CELF2: variants seen among roughly 807,000 people sequenced by gnomAD.
CELF2 encodes the protein CUG triplet repeat RNA-binding protein 2.
In CELF2, 8 loss-of-function variants were observed where a neutral mutation model predicts 62.6. The observed-to-expected ratio is 0.13, with a 90% CI of 0.07 to 0.23. CELF2 has a LOEUF of 0.23. CELF2 is among the 10% of genes least tolerant of loss of function. The pLI is 1.00. For synonymous variants in CELF2, 258 were observed against 250.0 expected, an observed-to-expected ratio of 1.03 and a Z score of -0.30; for missense variants, 333 against 671.0, an observed-to-expected ratio of 0.50 and a Z score of 5.56.
chr10:10,846,203 T>C, intron 1 of CELF2: 1 of 698,396 alleles, frequency 1.4e-6, no homozygotes, highest in Non-Finnish European at 1.8e-6. Flanking sequence ...CTTGGCATTT[T>C]TGTGATTAAT....
intron 2 of CELF2, among the ~76,000 whole-genome samples, chr10:10,985,841 C>T (rs1411471463): frequency 6.6e-6 from 1 of 152,202 alleles, no homozygotes; most frequent in African/African-American, 2.4e-5. Context: ...GACAGCCACA[C>T]CGATGATGAC....
At chr10:10,919,613 T>G (rs1225455382) in intron 1 of CELF2, among the ~76,000 whole-genome samples, 2 of 152,238 alleles carry the variant, frequency 1.3e-5, no homozygotes, top group Non-Finnish European at 2.9e-5. Context: ...GGTGCTTCGT[T>G]TAACATGTAA....
chr10:10,821,978 A>C (rs959474513), intron 1 of CELF2, among the ~76,000 whole-genome samples: 1 of 152,208 alleles, frequency 6.6e-6, no homozygotes, highest in Non-Finnish European at 1.5e-5. Context: ...TCCCCTGCTG[A>C]GAAGCCTTGG....
At chr10:10,644,751 TC>T in the CELF2 span, among the ~76,000 whole-genome samples, 1 of 152,002 alleles carries the variant, frequency 6.6e-6, no homozygotes, top group Non-Finnish European at 1.5e-5. Flanking sequence ...CTAAAGTATC[TC>T]CCCCCACGTC....
rs998763232 is a variant in CELF2 at position 11,178,992 on chromosome 10, C to G, written c.271+13310C>G. The stretch of plus-strand genomic sequence containing the variant: ...CCCTCTGGCCACTTCCTCCACACCC[C>G]CAGGAACATTGCCCCCATTTCACAG... On this transcript the variant is annotated intron_variant, in intron 2 of 12. Coordinates refer to ENST00000633077, the MANE Select transcript of CELF2 (RefSeq NM_001326342.2). This position sits in a 1 kb window ranked among gnomAD's most constrained non-coding sequence, Gnocchi z 4.3. Among the ~76,000 whole-genome samples, 8 of 152,322 alleles carry G rather than the reference C, an allele frequency of 5.3e-5. No homozygotes were observed. Among genetic ancestry groups the G allele is most frequent in the Non-Finnish European group, 1.0e-4 (7 of 68,024 alleles).
chr10:10,680,023 T>G, the CELF2 span, among the ~76,000 whole-genome samples: 2 of 152,146 alleles, frequency 1.3e-5, no homozygotes, highest in African/African-American at 4.8e-5. Context: ...TAAAGAATAA[T>G]GATACGTTAA....
chr10:10,835,301 G>A (rs753145299), intron 1 of CELF2, among the ~76,000 whole-genome samples: 1 of 151,882 alleles, frequency 6.6e-6, no homozygotes, highest in Non-Finnish European at 1.5e-5. Flanking sequence ...ATGTTGCAAT[G>A]GCTGACCTCA....
rs929683931 is a variant in CELF2 at position 11,329,200 on chromosome 10, G to A, written c.*147G>A. 6 of 736,678 alleles carry A rather than the reference G, an allele frequency of 8.1e-6. No individual in the cohort carries two copies. The highest frequency in any genetic ancestry group is 1.2e-5 in the Non-Finnish European group (6 of 487,232). The allele number at this position is 736,678 out of a possible 1,614,324, so 45.6% of individuals were successfully genotyped here. ...GTTATTTTTACAATAAGGCCTCCATGTCCCCACCCACTTCCCCTACCCAGT... is the reference window on the plus strand; with the variant it reads ...GTTATTTTTACAATAAGGCCTCCATATCCCCACCCACTTCCCCTACCCAGT... On this transcript the variant is annotated 3_prime_UTR_variant, in exon 13 of 13. Transcript: ENST00000633077. This position sits in a 1 kb window ranked among gnomAD's most constrained non-coding sequence, Gnocchi z 5.5.
At position 11,242,408 on chromosome 10, in the gene CELF2, G is replaced by T. The variant is rs890169473; in HGVS notation, c.355-6745G>T. 4.1e-4 allele frequency among the ~76,000 whole-genome samples: 62 copies of T among 152,086 alleles called. No individual in the cohort carries two copies. Among genetic ancestry groups the T allele is most frequent in the African/African-American group, 1.3e-3 (54 of 41,456 alleles). ...CTGTCTCCAGACTAGGCCTGTGTTG[G>T]CTCGGAACCCTCCCTTCCTACAGCA... On this transcript the variant is annotated intron_variant, in intron 3 of 12. Transcript: ENST00000633077. The surrounding 1 kb of genome is among the most constrained non-coding windows in gnomAD (Gnocchi z 4.8).
chr10:11,215,042 T>C (rs1394170598), intron 2 of CELF2, among the ~76,000 whole-genome samples: 1 of 152,228 alleles, frequency 6.6e-6, no homozygotes, highest in African/African-American at 2.4e-5. Context: ...TTCTTTTCAC[T>C]AAGAACTTTG....
intron 1 of CELF2, among the ~76,000 whole-genome samples, chr10:10,809,266 G>C (rs1590635089): frequency 6.6e-6 from 1 of 152,130 alleles, no homozygotes; most frequent in Non-Finnish European, 1.5e-5. Flanking sequence ...CTGCAAGCCA[G>C]GAAGAAAGCC....
At chr10:10,905,794 C>T (rs756823516) in intron 1 of CELF2, among the ~76,000 whole-genome samples, 11 of 151,452 alleles carry the variant, frequency 7.3e-5, no homozygotes, top group African/African-American at 2.7e-4. Context: ...AAGAGAATGG[C>T]GTGAACCCAG....
the CELF2 span, among the ~76,000 whole-genome samples, chr10:10,598,751 CTTTTTTTTTT>C: frequency 4.5e-4 from 31 of 69,588 alleles, 1 homozygote; most frequent in East Asian, 9.8e-3. Flanking sequence ...CTTTTTCTTT[CTTTTTTTTTT>C]TTTTTTTTTT....
intron 9 of CELF2, among the ~76,000 whole-genome samples, chr10:11,289,968 T>C (rs1049932456): frequency 5.9e-5 from 9 of 152,194 alleles, no homozygotes; most frequent in Non-Finnish European, 1.0e-4. Context: ...GGATTTTTTT[T>C]CTCCCCTGTG....
chr10:10,922,203 A>G (rs2064988605), intron 2 of CELF2, among the ~76,000 whole-genome samples: 1 of 152,088 alleles, frequency 6.6e-6, no homozygotes. Context: ...AAACATTTCC[A>G]TCATGTGCCA....
chr10:10,919,503 G>A (rs1320678159), intron 1 of CELF2, among the ~76,000 whole-genome samples: 1 of 152,178 alleles, frequency 6.6e-6, no homozygotes, highest in Admixed American at 6.5e-5. Flanking sequence ...TCCATTTTGT[G>A]CTGTTTGTGT....
chr10:10,892,631 G>A (rs1293187291), intron 1 of CELF2, among the ~76,000 whole-genome samples: 1 of 152,176 alleles, frequency 6.6e-6, no homozygotes, highest in Admixed American at 6.5e-5. Flanking sequence ...CCTTCTGTAG[G>A]AATGGAAAAT....
At chr10:11,074,610 C>T (rs894192431) in intron 1 of CELF2, among the ~76,000 whole-genome samples, 3 of 152,174 alleles carry the variant, frequency 2.0e-5, no homozygotes, top group African/African-American at 7.2e-5. Flanking sequence ...GAAAGATGCC[C>T]TTCATTCCTG....
At chr10:11,304,768 A>C (rs1416618835) in intron 9 of CELF2, among the ~76,000 whole-genome samples, 1 of 152,198 alleles carries the variant, frequency 6.6e-6, no homozygotes, top group Non-Finnish European at 1.5e-5. Context: ...CAACATATGG[A>C]ATTTGGGGAA....
Sources: gnomAD v4.1 joint callset for allele counts (sites outside exome capture counted in the v4.1 genomes callset) on GRCh38, gnomAD v4.1.1 for gene constraint, Gnocchi (gnomAD v3.1) non-coding constraint, MANE v1.5 for transcripts, NCBI Gene and HGNC (gene_info 2026-07-23, HGNC 2026-07-21) for gene names.